Variants in DOCK4 observed in about 807,000 individuals in gnomAD.
The protein encoded by DOCK4 is dedicator of cytokinesis protein 4.
Under a neutral mutation model 268.1 loss-of-function variants are expected in DOCK4, and 97 were observed. The ratio of observed to expected loss-of-function variants is 0.36; its 90% CI spans 0.31 to 0.43. DOCK4 has a LOEUF of 0.43. Among genes scored for constraint, DOCK4 ranks in the 20% least tolerant of loss-of-function variants. The pLI, the probability that DOCK4 is intolerant of heterozygous loss-of-function variation, is 1.00. For missense variants in DOCK4, 2,145 were observed against 2,455.7 expected, an observed-to-expected ratio of 0.87 and a Z score of 2.67; for synonymous variants, 954 against 887.2, an observed-to-expected ratio of 1.08 and a Z score of -1.34.
chr7:111,906,509 G>A (rs866007520), intron 13 of DOCK4, among the ~76,000 whole-genome samples: 56 of 152,258 alleles, frequency 3.7e-4, no homozygotes, highest in Admixed American at 3.3e-3. Flanking sequence ...GAAGAGGAAT[G>A]CATGCACTAG....
At chr7:112,206,065 C>A in intron 1 of DOCK4, 37 bp downstream of exon 1, 1 of 1,561,080 alleles carries the variant, frequency 6.4e-7, no homozygotes, top group Non-Finnish European at 8.7e-7. Context: ...CTCGCTCGGG[C>A]CAGAGCAGAA....
intron 30 of DOCK4, among the ~76,000 whole-genome samples, chr7:111,798,891 C>T (rs1319342037): frequency 6.6e-6 from 1 of 152,218 alleles, no homozygotes; most frequent in Non-Finnish European, 1.5e-5. Context: ...CCACTAATGA[C>T]TCTCCTATAA....
intron 52 of DOCK4, among the ~76,000 whole-genome samples, chr7:111,730,858 G>C (rs1470789656): frequency 2.0e-5 from 3 of 152,152 alleles, no homozygotes; most frequent in Non-Finnish European, 4.4e-5. Flanking sequence ...GTATATACCA[G>C]CTTGCTAAGA....
intron 12 of DOCK4, among the ~76,000 whole-genome samples, chr7:111,933,687 T>C (rs575394675): frequency 1.2e-4 from 18 of 152,152 alleles, no homozygotes; most frequent in Non-Finnish European, 2.4e-4. Flanking sequence ...GTGAGTCTTT[T>C]AGAGATTCTG....
rs769361750 is a variant in DOCK4 at position 111,790,577 on chromosome 7, G to T, written c.3195C>A (p.Ala1065=). The T allele has an allele frequency of 6.2e-7, 1 of 1,613,548 alleles. No homozygotes were observed. The highest frequency in any genetic ancestry group is 1.1e-5 in the South Asian group (1 of 91,022). Residue 1065 remains alanine, a synonymous_variant, in exon 31 of 53, where the codon GCC becomes GCA. Coordinates refer to ENST00000428084, the MANE Select transcript of DOCK4 (RefSeq NM_001363540.2). Reference sequence around the variant, plus strand: ...TCACTTCTAGGAAGGGGCCAATCAGGGCAGGGATAAAATGAAGCTTGTGCT... The same window carrying T: ...TCACTTCTAGGAAGGGGCCAATCAGTGCAGGGATAAAATGAAGCTTGTGCT... ...LGEHKLHFIP[A]LIGPFLEVTL... is the part of the protein sequence containing the mutation.
chr7:111,925,452 A>G (rs967680163), intron 12 of DOCK4, among the ~76,000 whole-genome samples: 2 of 152,224 alleles, frequency 1.3e-5, no homozygotes, highest in Admixed American at 6.5e-5. Context: ...GTGAGACAAT[A>G]CTATCGGAAA....
At chr7:112,201,494 C>T (rs1366640363) in intron 1 of DOCK4, among the ~76,000 whole-genome samples, 1 of 152,192 alleles carries the variant, frequency 6.6e-6, no homozygotes, top group African/African-American at 2.4e-5. Context: ...ACATGTAAAA[C>T]ATCTGGCTAG....
chr7:112,196,019 G>A (rs548150197), intron 1 of DOCK4, among the ~76,000 whole-genome samples: 35 of 152,202 alleles, frequency 2.3e-4, no homozygotes, highest in Middle Eastern at 3.4e-3. Flanking sequence ...TCACTCTCCC[G>A]TTTTCTTGAG....
At chr7:111,894,866 G>A (rs1421357252) in intron 16 of DOCK4, among the ~76,000 whole-genome samples, 1 of 152,118 alleles carries the variant, frequency 6.6e-6, no homozygotes, top group Admixed American at 6.6e-5. Context: ...CCTTAGATGA[G>A]TGACCCTAAT....
chr7:112,043,015 C>T (rs61072141), intron 1 of DOCK4, among the ~76,000 whole-genome samples: 10,912 of 152,184 alleles, frequency 0.072, 1,250 homozygotes, highest in African/African-American at 0.25. Context: ...CAGCATGAGG[C>T]CCTCACCTGA....
At chr7:111,995,599 A>G (rs1799895488) in intron 4 of DOCK4, among the ~76,000 whole-genome samples, 1 of 152,202 alleles carries the variant, frequency 6.6e-6, no homozygotes, top group Non-Finnish European at 1.5e-5. Flanking sequence ...GTAATGACAT[A>G]TTAGACACAG....
intron 1 of DOCK4, among the ~76,000 whole-genome samples, chr7:112,104,173 T>C (rs1406744316): frequency 6.6e-6 from 1 of 152,230 alleles, no homozygotes; most frequent in Non-Finnish European, 1.5e-5. Context: ...TTCTGAATTT[T>C]TTCTTACCAT....
At chr7:112,197,550 G>A (rs1587034941) in intron 1 of DOCK4, among the ~76,000 whole-genome samples, 1 of 152,178 alleles carries the variant, frequency 6.6e-6, no homozygotes, top group South Asian at 2.1e-4. Context: ...GCTAGGCAAC[G>A]CCCTAGAGGG....
rs1283436107 is a variant in DOCK4, at chr7:112,058,921, A to G, written c.38-54790T>C. On this transcript the variant is annotated intron_variant, in intron 1 of 52. Coordinates refer to ENST00000428084, the MANE Select transcript of DOCK4 (RefSeq NM_001363540.2). ...AAAAGCTCTTGCTAAGTCATATGTC[A>G]AAGCTCTGGAGGAGAAGCTGATTTG... Among the ~76,000 whole-genome samples, 6 of 152,104 alleles carry G rather than the reference A, an allele frequency of 3.9e-5. No homozygotes were observed. The East Asian group carries it at 1.2e-3, about 29-fold the overall frequency.
chr7:111,785,773 G>A (rs1195955162), intron 32 of DOCK4, among the ~76,000 whole-genome samples: 1 of 152,162 alleles, frequency 6.6e-6, no homozygotes, highest in Non-Finnish European at 1.5e-5. Flanking sequence ...ATGCCCATGT[G>A]CCCACATTGA....
chr7:111,791,246 T>C (rs1004283981), intron 30 of DOCK4, among the ~76,000 whole-genome samples: 1 of 140,198 alleles, frequency 7.1e-6, no homozygotes, highest in African/African-American at 3.0e-5. Flanking sequence ...TGCAATACAG[T>C]ATGTATAGGA....
chr7:111,991,681 G>A (rs1399897777), intron 5 of DOCK4, among the ~76,000 whole-genome samples: 3 of 149,748 alleles, frequency 2.0e-5, no homozygotes, highest in Admixed American at 6.6e-5. Context: ...AGTGCCTGGC[G>A]CTGGGCGAGG....
At chr7:111,861,841 T>G (rs1025281831) in intron 23 of DOCK4, among the ~76,000 whole-genome samples, 1 of 151,522 alleles carries the variant, frequency 6.6e-6, no homozygotes, top group Non-Finnish European at 1.5e-5. Flanking sequence ...TGAAATGATT[T>G]AAAAATTTGT....
intron 42 of DOCK4, among the ~76,000 whole-genome samples, chr7:111,754,999 G>T (rs1796924597): frequency 6.6e-6 from 1 of 152,238 alleles, no homozygotes. Flanking sequence ...ACTGCTAGAA[G>T]AGAGTAATAT....
Sources: gnomAD v4.1 joint callset for allele counts (sites outside exome capture counted in the v4.1 genomes callset) on GRCh38, gnomAD v4.1.1 for gene constraint, MANE v1.5 for transcripts, NCBI Gene and HGNC (gene_info 2026-07-23, HGNC 2026-07-21) for gene names.